The following GRM7 variants were observed in gnomAD, a reference collection of about 807,000 sequenced individuals.
The protein encoded by GRM7 is glutamate metabotropic receptor 7.
A neutral mutation model predicts 84.5 loss-of-function variants in GRM7; 35 were observed. The observed-to-expected ratio is 0.41, with a 90% CI of 0.32 to 0.55. The LOEUF (loss-of-function observed/expected upper bound fraction) is 0.55, where lower values mean the gene tolerates loss of function less well. GRM7 is among the 20% of genes least tolerant of loss of function. The pLI is 0.19. For synonymous variants in GRM7, 487 were observed against 455.1 expected, an observed-to-expected ratio of 1.07 and a Z score of -0.89; for missense variants, 1,003 against 1,194.6, an observed-to-expected ratio of 0.84 and a Z score of 2.36.
At chr3:7,128,876 A>T (rs1034704445) in intron 1 of GRM7, among the ~76,000 whole-genome samples, 2 of 152,084 alleles carry the variant, frequency 1.3e-5, no homozygotes, top group Non-Finnish European at 1.5e-5. Flanking sequence ...GAGAAACATT[A>T]TGGCAGAAAA....
At chr3:7,104,408 T>C (rs1033922075) in intron 1 of GRM7, among the ~76,000 whole-genome samples, 2 of 151,710 alleles carry the variant, frequency 1.3e-5, no homozygotes, top group Non-Finnish European at 2.9e-5. Context: ...AATTTTAAGG[T>C]ATTTTGTCTT....
intron 9 of GRM7, among the ~76,000 whole-genome samples, chr3:7,705,287 T>C (rs1701350776): frequency 6.6e-6 from 1 of 152,190 alleles, no homozygotes; most frequent in South Asian, 2.1e-4. Context: ...CAATGTTTAC[T>C]CTACAATTAC....
At chr3:7,594,590 T>C (rs1695947893) in intron 8 of GRM7, among the ~76,000 whole-genome samples, 1 of 152,108 alleles carries the variant, frequency 6.6e-6, no homozygotes, top group South Asian at 2.1e-4. Context: ...GCAGGGTGCA[T>C]TTCCAAAAAT....
chr3:7,676,592 G>A (rs991366513), intron 8 of GRM7, among the ~76,000 whole-genome samples: 24 of 152,076 alleles, frequency 1.6e-4, no homozygotes, highest in African/African-American at 5.3e-4. Flanking sequence ...CTGAGTTACT[G>A]GGATTACAGG....
intron 8 of GRM7, among the ~76,000 whole-genome samples, chr3:7,589,490 T>C (rs1427175690): frequency 6.6e-6 from 1 of 152,198 alleles, no homozygotes; most frequent in African/African-American, 2.4e-5. Context: ...CTTAAGATGC[T>C]TCATTGTTGA....
rs113443064 is a variant in GRM7 at position 7,507,041 on chromosome 3, T to C, written c.1515+45319T>C. Among the ~76,000 whole-genome samples, 727 of 152,318 alleles carry C rather than the reference T, an allele frequency of 4.8e-3. 6 individuals are homozygous for C. The highest frequency in any genetic ancestry group is 0.017 in the African/African-American group (690 of 41,572). ...GTGAGCTTCTACAAGCATAGACCTATTGTTTACCCAACAGTGAATCACAAA... is the reference window on the plus strand; with the variant it reads ...GTGAGCTTCTACAAGCATAGACCTACTGTTTACCCAACAGTGAATCACAAA... On this transcript the variant is annotated intron_variant, in intron 7 of 9. Coordinates refer to ENST00000357716, the MANE Select transcript of GRM7 (RefSeq NM_000844.4).
intron 3 of GRM7, among the ~76,000 whole-genome samples, chr3:7,301,388 T>C (rs891599517): frequency 6.6e-6 from 1 of 152,310 alleles, no homozygotes; most frequent in South Asian, 2.1e-4. Context: ...GTTCCAGTAC[T>C]TTAAAAAATA....
chr3:7,473,532 A>AGAGAGAGAGAGAGAGAGAGAGAGAGAG (rs1553603738), intron 7 of GRM7, among the ~76,000 whole-genome samples: 1 of 83,564 alleles, frequency 1.2e-5, no homozygotes, highest in Non-Finnish European at 2.8e-5. Flanking sequence ...GAGAGAGAGA[A>AGAGAGAGAGAGAGAGAGAGAGAGAGAG]ACACCTTGAC....
chr3:7,255,524 C>T (rs1017272900), intron 2 of GRM7, among the ~76,000 whole-genome samples: 9 of 152,198 alleles, frequency 5.9e-5, no homozygotes, highest in African/African-American at 2.2e-4. Context: ...GAAATATTCC[C>T]ATTTTAATTA....
intron 1 of GRM7, among the ~76,000 whole-genome samples, chr3:6,974,046 A>C (rs543786490): frequency 3.2e-4 from 49 of 152,332 alleles, no homozygotes; most frequent in African/African-American, 1.2e-3. Context: ...GCAAACTTTA[A>C]ATTTGAAATG....
At chr3:7,673,100 G>C (rs1257215578) in intron 8 of GRM7, among the ~76,000 whole-genome samples, 1 of 152,164 alleles carries the variant, frequency 6.6e-6, no homozygotes, top group African/African-American at 2.4e-5. Context: ...ATGAGTGGTT[G>C]TTACATGCTA....
At chr3:6,896,557 A>T (rs1410440776) in intron 1 of GRM7, among the ~76,000 whole-genome samples, 1 of 152,206 alleles carries the variant, frequency 6.6e-6, no homozygotes, top group Non-Finnish European at 1.5e-5. Flanking sequence ...TTGCACCTGC[A>T]TCATCAGTGT....
chr3:6,937,855 A>G (rs893550840), intron 1 of GRM7, among the ~76,000 whole-genome samples: 1 of 152,218 alleles, frequency 6.6e-6, no homozygotes, highest in Non-Finnish European at 1.5e-5. Flanking sequence ...ATTATCATCA[A>G]TAACACACTG....
At chr3:6,873,446 A>C (rs1375435167) in intron 1 of GRM7, among the ~76,000 whole-genome samples, 1 of 152,162 alleles carries the variant, frequency 6.6e-6, no homozygotes, top group Non-Finnish European at 1.5e-5. Context: ...CATAGTTCAG[A>C]TTCCTGCTTT....
At chr3:7,661,521 G>A (rs771269548) in intron 8 of GRM7, among the ~76,000 whole-genome samples, 3 of 152,242 alleles carry the variant, frequency 2.0e-5, no homozygotes, top group South Asian at 2.1e-4. Flanking sequence ...CTGGCCGGGC[G>A]CGGTGGCTCA....
chr3:6,879,448 A>G lies in GRM7; in HGVS notation c.519+17541A>G, dbSNP rs79926971. On this transcript the variant is annotated intron_variant, in intron 1 of 9. Transcript: ENST00000357716. Reference sequence around the variant, plus strand: ...CTTATTTTGAAAGATATAACACACTACACCCTTACCTGTTCTGTTTTACTT... The same window carrying G: ...CTTATTTTGAAAGATATAACACACTGCACCCTTACCTGTTCTGTTTTACTT... Among the ~76,000 whole-genome samples, 219 of 152,304 alleles carry G rather than the reference A, an allele frequency of 1.4e-3. 1 individual carries two copies. The Middle Eastern group carries it at 0.024, about 17-fold the overall frequency.
rs148155166 is a variant in GRM7 at position 7,298,952 on chromosome 3, CTG to C, written c.878+130_878+131del. On this transcript the variant is annotated intron_variant, in intron 3 of 9. Transcript: ENST00000357716. ...AGCTGTAATCATACAGCGGCGAAGT[CTG>C]TGCTTGCCTCTACCCAACACATACA... 3,946 of 802,026 alleles carry C rather than the reference CTG, an allele frequency of 4.9e-3. 128 individuals are homozygous for C. The African/African-American group carries it at 0.061, about 12-fold the overall frequency. The allele number at this position is 802,026 out of a possible 1,614,324, so 49.7% of individuals were successfully genotyped here.
At chr3:7,070,226 A>T (rs1697816647) in intron 1 of GRM7, among the ~76,000 whole-genome samples, 2 of 152,130 alleles carry the variant, frequency 1.3e-5, no homozygotes, top group Admixed American at 1.3e-4. Context: ...ATAGTTTCCA[A>T]AGTGTATTTT....
chr3:6,876,586 GT>G (rs1695312619), intron 1 of GRM7, among the ~76,000 whole-genome samples: 1 of 144,212 alleles, frequency 6.9e-6, no homozygotes, highest in African/African-American at 2.6e-5. Flanking sequence ...TAAGTCAGAG[GT>G]TTTTACCACT....
Sources: gnomAD v4.1 joint callset for allele counts (sites outside exome capture counted in the v4.1 genomes callset) on GRCh38, gnomAD v4.1.1 for gene constraint, MANE v1.5 for transcripts, NCBI Gene and HGNC (gene_info 2026-07-23, HGNC 2026-07-21) for gene names.